The following MROH1 variants were observed in gnomAD, a reference collection of about 807,000 sequenced individuals.
MROH1 encodes the protein maestro heat-like repeat-containing protein family member 1.
Under a neutral mutation model 116.5 loss-of-function variants are expected in MROH1, and 117 were observed. The observed-to-expected ratio is 1.00, with a 90% CI of 0.86 to 1.17. The LOEUF (loss-of-function observed/expected upper bound fraction) is 1.17, where lower values mean the gene tolerates loss of function less well. Ranked by LOEUF, MROH1 falls within the 50% of genes most tolerant of loss-of-function variation. The pLI is 0.00. For missense variants in MROH1, 1,873 were observed against 1,338.5 expected (o/e 1.40, Z -6.23); for synonymous variants, 921 against 583.9 (o/e 1.58, Z -8.32).
Position 144,192,399 on chromosome 8 carries a change from C to G in MROH1, c.946C>G (p.Gln316Glu). Residue 316 changes from glutamine to glutamate, a missense_variant and splice_region_variant, in exon 10 of 44, where the codon CAG becomes GAG. Coordinates refer to ENST00000326134, the MANE Select transcript of MROH1 (RefSeq NM_032450.3). ...TGCCCTCTTGGCTGCACTGCACTCCCAGGTAGGAGGCGGGCGTCAGGGGGC... is the reference window on the plus strand; with the variant it reads ...TGCCCTCTTGGCTGCACTGCACTCCGAGGTAGGAGGCGGGCGTCAGGGGGC... ...LDALLAALHS[Q>E]ICVPVESSSP... is the part of the protein sequence containing the mutation. The G allele has an allele frequency of 6.3e-7, 1 of 1,587,018 alleles. No individual in the cohort carries two copies. The highest frequency in any genetic ancestry group is 8.5e-7 in the Non-Finnish European group (1 of 1,171,092).
intron 14 of MROH1, among the ~76,000 whole-genome samples, chr8:144,236,895 CCTTT>C (rs1840127450): frequency 3.0e-5 from 4 of 131,182 alleles, no homozygotes; most frequent in Middle Eastern, 3.9e-3. Context: ...CTCTCCTATT[CCTTT>C]TTTTTTTTTT....
At chr8:144,228,773 A>C (rs1277264511) in intron 14 of MROH1, among the ~76,000 whole-genome samples, 1 of 152,194 alleles carries the variant, frequency 6.6e-6, no homozygotes, top group Non-Finnish European at 1.5e-5. Flanking sequence ...ACAATTTCTT[A>C]AAATAGGACA....
At chr8:144,179,434 C>T (rs750805216) in intron 4 of MROH1, 21 bp from the exon 5 acceptor site, 1 of 1,612,178 alleles carries the variant, frequency 6.2e-7, no homozygotes, top group Non-Finnish European at 8.5e-7. Flanking sequence ...TGGGACCGAC[C>T]TGGACGGTGT....
intron 3 of MROH1, among the ~76,000 whole-genome samples, chr8:144,166,333 G>C (rs1375692901): frequency 6.6e-6 from 1 of 152,204 alleles, no homozygotes; most frequent in African/African-American, 2.4e-5. Context: ...GTGTAGTAGA[G>C]AGCACAGATT....
rs1844893791 is a variant in MROH1, at chr8:144,260,784, G to A, written c.4488G>A (p.Leu1496=). Residue 1496 remains leucine, a synonymous_variant, in exon 40 of 44, where the codon CTG becomes CTA. Coordinates refer to ENST00000326134, the MANE Select transcript of MROH1 (RefSeq NM_032450.3). ...DVFLDQVVGG[L]APLLLHLQDP... is the part of the protein sequence containing the mutation. ...TCCTGGACCAGGTGGTGGGCGGGCT[G>A]GCGCCCCTGCTGCTGCACCTGCAGG... 2.6e-6 allele frequency: 2 copies of A among 778,412 alleles called. No individual in the cohort carries two copies. The highest frequency in any genetic ancestry group is 1.7e-5 in the African/African-American group (1 of 59,142). The allele number at this position is 778,412 out of a possible 1,614,324, so 48.2% of individuals were successfully genotyped here.
At chr8:144,199,082 G>C in intron 10 of MROH1, 40 bp from the exon 11 acceptor site, 1 of 1,590,328 alleles carries the variant, frequency 6.3e-7, no homozygotes, top group Non-Finnish European at 8.6e-7. Flanking sequence ...CTTCCTTCTG[G>C]CCTCTCTGGT....
chr8:144,244,969 GAC>G (rs1247583075), intron 28 of MROH1, among the ~76,000 whole-genome samples, 185 bp from the exon 29 acceptor site: 1 of 152,206 alleles, frequency 6.6e-6, no homozygotes, highest in East Asian at 1.9e-4. Context: ...CAGACTGGAG[GAC>G]AGAGTGGCAG....
In MROH1 at chr8:144,250,411, G is replaced by T. The variant is rs915747870; in HGVS notation, c.3428+45G>T. Reference sequence around the variant, plus strand: ...GGCTTAGGGGTCCCTCTGGAATGATGCTCCCCCTGGAATGATGCTCCCCGA... The same window carrying T: ...GGCTTAGGGGTCCCTCTGGAATGATTCTCCCCCTGGAATGATGCTCCCCGA... On this transcript the variant is annotated intron_variant, in intron 33 of 43. Transcript: ENST00000326134. 207 of 728,020 alleles carry T rather than the reference G, an allele frequency of 2.8e-4. 2 individuals carry two copies. In the East Asian group the frequency reaches 4.0e-3, roughly 14 times the overall value. 45.1% of individuals were successfully genotyped at this position (728,020 alleles called of 1,614,324 possible).
chr8:144,201,369 TTGAAG>T (rs1831110799), intron 12 of MROH1, among the ~76,000 whole-genome samples: 1 of 152,104 alleles, frequency 6.6e-6, no homozygotes, highest in South Asian at 2.1e-4. Context: ...TTAAGGCTAA[TTGAAG>T]TGATTAGTGA....
chr8:144,180,097 G>T lies in MROH1; in HGVS notation c.301-81G>T. On this transcript the variant is annotated intron_variant, in intron 5 of 43. Transcript: ENST00000326134. The surrounding 1 kb of genome is among the most constrained non-coding windows in gnomAD (Gnocchi z 7.4). ...TCTGGGGACGCTGAAAACAGCGTGC[G>T]CTTGTCCAAGGCTGGCAGCGACTGA... 1 of 1,552,264 alleles carries T rather than the reference G, an allele frequency of 6.4e-7. No individual in the cohort carries two copies. The highest frequency in any genetic ancestry group is 2.3e-5 in the East Asian group (1 of 44,320).
rs1208636519 is a variant in MROH1, at chr8:144,250,199, C to T, written c.3274-13C>T. 1.6e-5 allele frequency: 12 copies of T among 764,444 alleles called. No individual in the cohort carries two copies. The highest frequency in any genetic ancestry group is 6.8e-5 in the Admixed American group (4 of 58,574). 47.4% of individuals were successfully genotyped at this position (764,444 alleles called of 1,614,324 possible). ...CACGCGTGGCCTGACCACCGTGTCC[C>T]GCCCATCTACAGGTGCCCGAGATCG... On this transcript the variant is annotated splice_polypyrimidine_tract_variant and intron_variant, in intron 32 of 43. Coordinates refer to ENST00000326134, the MANE Select transcript of MROH1 (RefSeq NM_032450.3).
At chr8:144,235,437 C>T (rs1374198616) in intron 14 of MROH1, among the ~76,000 whole-genome samples, 1 of 152,122 alleles carries the variant, frequency 6.6e-6, no homozygotes, top group East Asian at 1.9e-4. Context: ...CTTGTTCCTT[C>T]TCTTTGTGTA....
chr8:144,175,533 C>A (rs1488792270), intron 4 of MROH1: 1 of 985,368 alleles, frequency 1.0e-6, no homozygotes, highest in Admixed American at 6.1e-5. Context: ...GTTAATCCAC[C>A]CACTTAGAGC....
chr8:144,212,321 G>A (rs1834303231), intron 12 of MROH1, among the ~76,000 whole-genome samples: 1 of 152,088 alleles, frequency 6.6e-6, no homozygotes, highest in South Asian at 2.1e-4. Context: ...CTGGGCTCAA[G>A]TGATCCACTT....
intron 14 of MROH1, among the ~76,000 whole-genome samples, chr8:144,229,776 G>C (rs2132586237): frequency 6.6e-6 from 1 of 152,268 alleles, no homozygotes; most frequent in Admixed American, 6.5e-5. Context: ...GCTTATGCCT[G>C]TAATCCCAGC....
At chr8:144,206,095 G>T (rs1224371734) in intron 12 of MROH1, among the ~76,000 whole-genome samples, 2 of 152,308 alleles carry the variant, frequency 1.3e-5, no homozygotes, top group African/African-American at 2.4e-5. Context: ...TGTCGCCCAG[G>T]CTGGAGTGCG....
chr8:144,152,989 A>C (rs1017668996), intron 1 of MROH1, among the ~76,000 whole-genome samples: 5 of 152,118 alleles, frequency 3.3e-5, no homozygotes, highest in Non-Finnish European at 7.3e-5. Context: ...TGTCTAACTG[A>C]AGCATTGACC....
At chr8:144,239,391 C>T in intron 17 of MROH1, 28 bp downstream of exon 17, 2 of 780,530 alleles carry the variant, frequency 2.6e-6, no homozygotes, top group South Asian at 2.7e-5. Context: ...ACAGCGTGCC[C>T]AGCGCCCCAC....
intron 12 of MROH1, chr8:144,200,753 A>G (rs1448119733): frequency 1.8e-6 from 1 of 547,672 alleles, no homozygotes; most frequent in East Asian, 3.1e-5. Context: ...GGTGGCTCAC[A>G]CTTGCTTTGA....
Sources: gnomAD v4.1 joint callset for allele counts (sites outside exome capture counted in the v4.1 genomes callset) on GRCh38, gnomAD v4.1.1 for gene constraint, Gnocchi (gnomAD v3.1) non-coding constraint, MANE v1.5 for transcripts, NCBI Gene and HGNC (gene_info 2026-07-23, HGNC 2026-07-21) for gene names.